PTPRD: variants seen among roughly 807,000 people sequenced by gnomAD.
The protein encoded by PTPRD is receptor-type tyrosine-protein phosphatase delta.
A neutral mutation model predicts 214.5 loss-of-function variants in PTPRD; 34 were observed. The observed-to-expected ratio is 0.16, with a 90% CI of 0.12 to 0.21. PTPRD has a LOEUF of 0.21. Ranked by LOEUF, PTPRD falls within the 10% of genes least tolerant of loss-of-function variation. The pLI is 1.00. For missense variants in PTPRD, 2,545 were observed against 2,398.7 expected (o/e 1.06, Z -1.27); for synonymous variants, 1,128 against 845.7 (o/e 1.33, Z -5.79).
chr9:10,210,454 T>C (rs992030008), intron 3 of PTPRD, among the ~76,000 whole-genome samples: 17 of 151,962 alleles, frequency 1.1e-4, no homozygotes, highest in African/African-American at 2.7e-4. Context: ...AGACACTGCA[T>C]TGACCACTTA....
intron 14 of PTPRD, among the ~76,000 whole-genome samples, chr9:8,537,385 T>A (rs2077212297): frequency 6.6e-6 from 1 of 151,878 alleles, no homozygotes; most frequent in Admixed American, 6.6e-5. Context: ...AAATGGAACA[T>A]ACGATAAATA....
chr9:9,039,374 T>A (rs1380166019), intron 10 of PTPRD, among the ~76,000 whole-genome samples: 2 of 152,170 alleles, frequency 1.3e-5, no homozygotes, highest in African/African-American at 4.8e-5. Flanking sequence ...CAGATCTAAT[T>A]CTGCAGCTAA....
intron 11 of PTPRD, chr9:8,859,814 G>GGA (rs2098063996): frequency 1.3e-5 from 2 of 150,696 alleles, no homozygotes; most frequent in South Asian, 2.1e-4. Flanking sequence ...TGGGGGTGGG[G>GGA]GAGGAGCATC....
intron 8 of PTPRD, among the ~76,000 whole-genome samples, chr9:9,483,913 A>G (rs1029020265): frequency 3.3e-5 from 5 of 151,476 alleles, no homozygotes; most frequent in African/African-American, 1.2e-4. Flanking sequence ...GTATCCTATC[A>G]CGTTTATGTT....
intron 14 of PTPRD, among the ~76,000 whole-genome samples, chr9:8,576,038 G>A (rs75514674): frequency 0.018 from 2,666 of 152,260 alleles, 86 homozygotes; most frequent in African/African-American, 0.061. Context: ...TGTTGTAATG[G>A]ATGATACTTA....
Position 9,882,449 on chromosome 9 carries a change from C to G in PTPRD, c.-368+56058G>C, listed in dbSNP as rs139455514. 2.7e-3 allele frequency among the ~76,000 whole-genome samples: 415 copies of G among 152,178 alleles called. 3 individuals are homozygous for G. The highest frequency in any genetic ancestry group is 9.4e-3 in the African/African-American group (391 of 41,538). On this transcript the variant is annotated intron_variant, in intron 5 of 45. Coordinates refer to ENST00000381196, the MANE Select transcript of PTPRD (RefSeq NM_002839.4). ...TTCTGCTGAGAAATAAGTAGTCCCA[C>G]CATTCTAGGCTTGAGGATGAAGGGT...
At chr9:9,490,160 C>T (rs754109351) in intron 8 of PTPRD, among the ~76,000 whole-genome samples, 6 of 151,986 alleles carry the variant, frequency 3.9e-5, no homozygotes, top group Non-Finnish European at 7.4e-5. Context: ...GTTGGCAAAA[C>T]CATCCTTCAA....
intron 10 of PTPRD, among the ~76,000 whole-genome samples, chr9:9,177,373 G>C (rs2099925542): frequency 6.6e-6 from 1 of 151,924 alleles, no homozygotes; most frequent in Non-Finnish European, 1.5e-5. Flanking sequence ...GATTTGGGTG[G>C]GGATATAAAA....
chr9:9,478,725 T>C (rs1477336680), intron 8 of PTPRD, among the ~76,000 whole-genome samples: 3 of 152,204 alleles, frequency 2.0e-5, no homozygotes, highest in East Asian at 3.8e-4. Context: ...TTTTAAAAAT[T>C]TGATGCTCAA....
intron 30 of PTPRD, among the ~76,000 whole-genome samples, chr9:8,474,469 C>CT (rs1432937385): frequency 6.6e-6 from 1 of 152,200 alleles, no homozygotes; most frequent in Non-Finnish European, 1.5e-5. Flanking sequence ...GAAATCTACG[C>CT]TTGCCATTCT....
At chr9:9,126,321 G>C (rs2099833458) in intron 10 of PTPRD, among the ~76,000 whole-genome samples, 2 of 152,160 alleles carry the variant, frequency 1.3e-5, no homozygotes, top group African/African-American at 2.4e-5. Context: ...AATCAGAAAA[G>C]TTGCCAACCG....
intron 14 of PTPRD, among the ~76,000 whole-genome samples, chr9:8,621,259 T>A (rs895028099): frequency 1.3e-5 from 2 of 151,916 alleles, no homozygotes; most frequent in Non-Finnish European, 2.9e-5. Context: ...CAAGAATTCA[T>A]CTCACTGGAG....
intron 12 of PTPRD, among the ~76,000 whole-genome samples, chr9:8,724,430 T>C (rs1443047004): frequency 6.6e-6 from 1 of 152,192 alleles, no homozygotes; most frequent in East Asian, 1.9e-4. Flanking sequence ...ATCTACTCCG[T>C]AACTTCCAAC....
chr9:10,035,593 G>C (rs2097165876), intron 3 of PTPRD, among the ~76,000 whole-genome samples: 1 of 151,678 alleles, frequency 6.6e-6, no homozygotes, highest in Non-Finnish European at 1.5e-5. Context: ...TTTAATTTCT[G>C]GCTCTTCTTA....
At chr9:9,997,734 G>A (rs1566995100) in intron 4 of PTPRD, among the ~76,000 whole-genome samples, 1 of 151,994 alleles carries the variant, frequency 6.6e-6, no homozygotes, top group Non-Finnish European at 1.5e-5. Flanking sequence ...TGAAAAGCCA[G>A]GCTGGCAAGT....
chr9:8,450,955 A>C (rs911355335), intron 33 of PTPRD, among the ~76,000 whole-genome samples: 1 of 152,120 alleles, frequency 6.6e-6, no homozygotes, highest in Admixed American at 6.5e-5. Context: ...AAGGTGCTGC[A>C]CAGTGTTTAG....
chr9:9,998,664 A>C (rs1421585674), intron 4 of PTPRD, among the ~76,000 whole-genome samples: 4 of 152,154 alleles, frequency 2.6e-5, no homozygotes, highest in African/African-American at 9.7e-5. Context: ...CTAAGCTAAC[A>C]AATAGCCAGG....
chr9:8,556,378 TA>T (rs1480794877), intron 14 of PTPRD, among the ~76,000 whole-genome samples: 2 of 152,210 alleles, frequency 1.3e-5, no homozygotes, highest in Non-Finnish European at 1.5e-5. Flanking sequence ...AGTCTGTGAC[TA>T]AATGTGTAAT....
intron 2 of PTPRD, among the ~76,000 whole-genome samples, chr9:10,543,477 TATACAC>T (rs1398431658): frequency 4.6e-4 from 65 of 141,402 alleles, no homozygotes; most frequent in Admixed American, 7.4e-4. Flanking sequence ...AATATATATA[TATACAC>T]ACACACACAC....
Sources: gnomAD v4.1 joint callset for allele counts (sites outside exome capture counted in the v4.1 genomes callset) on GRCh38, gnomAD v4.1.1 for gene constraint, MANE v1.5 for transcripts, NCBI Gene and HGNC (gene_info 2026-07-23, HGNC 2026-07-21) for gene names.